Variants in LRP1B observed in about 807,000 individuals in gnomAD.
The protein encoded by LRP1B is low-density lipoprotein receptor-related protein 1B.
A neutral mutation model predicts 556.6 loss-of-function variants in LRP1B; 217 were observed. The ratio of observed to expected loss-of-function variants is 0.39; its 90% CI spans 0.35 to 0.44. The LOEUF (loss-of-function observed/expected upper bound fraction) is 0.44. Among genes scored for constraint, LRP1B ranks in the 20% least tolerant of loss-of-function variants. The pLI is 1.00. For missense variants in LRP1B, 5,053 were observed against 5,620.8 expected (o/e 0.90, Z 3.23); for synonymous variants, 2,047 against 1,865.8 (o/e 1.10, Z -2.50).
At chr2:141,644,730 C>CACAT (rs1689484982) in intron 2 of LRP1B, among the ~76,000 whole-genome samples, 1 of 2,594 alleles carries the variant, frequency 3.9e-4, no homozygotes, top group African/African-American at 2.7e-3. Flanking sequence ...AGTCATTGAT[C>CACAT]ACACACACAC....
chr2:140,707,727 T>G (rs1686888814), intron 37 of LRP1B, among the ~76,000 whole-genome samples: 1 of 152,112 alleles, frequency 6.6e-6, no homozygotes, highest in Admixed American at 6.6e-5. Flanking sequence ...TTATTCACAT[T>G]TTCTTTTTCT....
At chr2:140,521,043 T>C (rs575099996) in intron 49 of LRP1B, among the ~76,000 whole-genome samples, 51 of 151,934 alleles carry the variant, frequency 3.4e-4, no homozygotes, top group South Asian at 6.2e-4. Flanking sequence ...TTGAGAAATA[T>C]AGGATCAAGA....
At chr2:140,772,626 T>C (rs1276844162) in intron 33 of LRP1B, among the ~76,000 whole-genome samples, 1 of 152,132 alleles carries the variant, frequency 6.6e-6, no homozygotes, top group African/African-American at 2.4e-5. Flanking sequence ...ATAATAGTTA[T>C]ATACTGACAA....
intron 41 of LRP1B, among the ~76,000 whole-genome samples, chr2:140,657,644 C>CATACAT (rs1684938115): frequency 6.9e-6 from 1 of 145,458 alleles, no homozygotes; most frequent in African/African-American, 2.6e-5. Flanking sequence ...TATATACATA[C>CATACAT]ATATATACAT....
rs562122065 is a variant in LRP1B at position 141,344,130 on chromosome 2, G to A, written c.344-89489C>T. On this transcript the variant is annotated intron_variant, in intron 3 of 90. Coordinates refer to ENST00000389484, the MANE Select transcript of LRP1B (RefSeq NM_018557.3). ...TGTTTCATGCATTTTGTGTTTTGAC[G>A]TTGTTTCCTTGTTTTAGGTCAAAGG... Among the ~76,000 whole-genome samples the A allele has an allele frequency of 1.8e-3, 278 of 152,208 alleles. 2 individuals carry two copies. Among genetic ancestry groups the A allele is most frequent in the South Asian group, 4.1e-3 (20 of 4,826 alleles).
chr2:141,825,969 C>T (rs982532386), intron 1 of LRP1B, among the ~76,000 whole-genome samples: 7 of 152,026 alleles, frequency 4.6e-5, no homozygotes, highest in Admixed American at 6.6e-5. Flanking sequence ...AATTTAACAA[C>T]GCACATATTA....
intron 7 of LRP1B, among the ~76,000 whole-genome samples, chr2:141,184,284 C>T (rs978550153): frequency 3.3e-5 from 5 of 151,920 alleles, no homozygotes; most frequent in African/African-American, 2.4e-5. Context: ...TTATGGTGTC[C>T]TCAGAGGACA....
chr2:140,772,667 G>T (rs571371775), intron 33 of LRP1B, among the ~76,000 whole-genome samples: 1 of 152,084 alleles, frequency 6.6e-6, no homozygotes, highest in Non-Finnish European at 1.5e-5. Flanking sequence ...GAAAGCATGG[G>T]TATATTAATG....
chr2:141,594,393 T>C (rs12615851), intron 2 of LRP1B, among the ~76,000 whole-genome samples: 1 of 151,992 alleles, frequency 6.6e-6, no homozygotes, highest in African/African-American at 2.4e-5. Flanking sequence ...GTAATCTGCT[T>C]GGTAAATCAA....
At chr2:140,661,007 G>GT (rs139478572) in intron 41 of LRP1B, among the ~76,000 whole-genome samples, 3,686 of 151,586 alleles carry the variant, frequency 0.024, 52 homozygotes, top group Middle Eastern at 0.041. Flanking sequence ...AACTCCTAAG[G>GT]TTTTTTCTAT....
At chr2:141,666,324 G>C (rs1297987305) in intron 2 of LRP1B, among the ~76,000 whole-genome samples, 1 of 152,058 alleles carries the variant, frequency 6.6e-6, no homozygotes, top group African/African-American at 2.4e-5. Context: ...AATACAAGCA[G>C]GTAAATGTAA....
intron 1 of LRP1B, among the ~76,000 whole-genome samples, chr2:141,963,134 T>C (rs1452289619): frequency 6.6e-6 from 1 of 151,888 alleles, no homozygotes; most frequent in African/African-American, 2.4e-5. Flanking sequence ...ATTTATCAAA[T>C]GATTGCTAAA....
intron 66 of LRP1B, among the ~76,000 whole-genome samples, chr2:140,428,367 G>T (rs140453751): frequency 6.6e-6 from 1 of 152,058 alleles, no homozygotes; most frequent in Non-Finnish European, 1.5e-5. Flanking sequence ...CGCCTAAACC[G>T]CAGTGGCCAG....
At chr2:140,334,364 C>T in intron 79 of LRP1B, 89 bp downstream of exon 79, 1 of 805,498 alleles carries the variant, frequency 1.2e-6, no homozygotes, top group Admixed American at 2.0e-5. Context: ...TGTAAAAATA[C>T]TTATATTGCC....
intron 25 of LRP1B, among the ~76,000 whole-genome samples, chr2:140,874,294 C>T (rs571245837): frequency 7.2e-5 from 11 of 152,010 alleles, no homozygotes; most frequent in Middle Eastern, 3.4e-3. Flanking sequence ...TTTTTTTTAA[C>T]ACAAAGTTCA....
intron 3 of LRP1B, among the ~76,000 whole-genome samples, chr2:141,300,604 C>A (rs768030954): frequency 3.9e-5 from 6 of 152,114 alleles, no homozygotes; most frequent in Non-Finnish European, 7.4e-5. Context: ...TTAACAACAT[C>A]CCCCTTGGTG....
chr2:140,291,589 C>A (rs966400004), intron 84 of LRP1B, among the ~76,000 whole-genome samples: 6 of 151,708 alleles, frequency 4.0e-5, no homozygotes, highest in Non-Finnish European at 8.8e-5. Flanking sequence ...CGATAGTTTG[C>A]TGAGAATGAT....
At chr2:141,960,728 C>T (rs61444452) in intron 1 of LRP1B, among the ~76,000 whole-genome samples, 5,284 of 151,826 alleles carry the variant, frequency 0.035, 292 homozygotes, top group African/African-American at 0.12. Flanking sequence ...ATTTGTACTA[C>T]GGACCTGGGA....
At chr2:140,437,432 A>T (rs1686234243) in intron 66 of LRP1B, among the ~76,000 whole-genome samples, 1 of 152,230 alleles carries the variant, frequency 6.6e-6, no homozygotes, top group South Asian at 2.1e-4. Flanking sequence ...GGCACTGAGG[A>T]TGTTCAGATA....
Sources: allele counts gnomAD v4.1 joint callset (sites outside exome capture counted in the v4.1 genomes callset), GRCh38; gene constraint gnomAD v4.1.1; transcripts MANE v1.5; gene names NCBI Gene and HGNC (gene_info 2026-07-23, HGNC 2026-07-21).